Variants in STT3B observed in about 807,000 individuals in gnomAD.
The protein encoded by STT3B is STT3 oligosaccharyltransferase complex catalytic subunit B.
In STT3B, 29 loss-of-function variants were observed where a neutral mutation model predicts 96.8. The ratio of observed to expected loss-of-function variants is 0.30; its 90% CI spans 0.22 to 0.41. STT3B has a LOEUF of 0.41. Among genes scored for constraint, STT3B ranks in the 10% least tolerant of loss-of-function variants. The probability of loss-of-function intolerance (pLI) is 1.00; values close to 1 mark genes in which losing one functional copy is unlikely to be tolerated. For missense variants in STT3B, 640 were observed against 1,022.3 expected (o/e 0.63, Z 5.10); for synonymous variants, 367 against 360.0 (o/e 1.02, Z -0.22).
At chr3:31,634,288 A>G (rs1163024167) in intron 15 of STT3B, among the ~76,000 whole-genome samples, 3 of 152,226 alleles carry the variant, frequency 2.0e-5, no homozygotes, top group Non-Finnish European at 4.4e-5. Context: ...AGTTACTCCT[A>G]AGATATCCAA....
At chr3:31,634,771 C>T (rs1235421016) in intron 15 of STT3B, among the ~76,000 whole-genome samples, 1 of 152,056 alleles carries the variant, frequency 6.6e-6, no homozygotes, top group Non-Finnish European at 1.5e-5. Flanking sequence ...TTGGATATTC[C>T]TGGGGCACAT....
chr3:31,588,613 A>G (rs1698598736), intron 3 of STT3B, among the ~76,000 whole-genome samples: 1 of 151,650 alleles, frequency 6.6e-6, no homozygotes, highest in African/African-American at 2.4e-5. Flanking sequence ...TCCAATGTAG[A>G]TTTTTCCAGT....
intron 11 of STT3B, 136 bp downstream of exon 11, chr3:31,623,997 TG>T (rs1331853367): frequency 1.1e-5 from 8 of 730,676 alleles, no homozygotes; most frequent in Non-Finnish European, 1.7e-5. Flanking sequence ...ATTTTAATTT[TG>T]GTAGGTACAC....
intron 1 of STT3B, among the ~76,000 whole-genome samples, chr3:31,573,893 C>T (rs1234909018): frequency 6.6e-6 from 1 of 151,774 alleles, no homozygotes; most frequent in Non-Finnish European, 1.5e-5. Context: ...ATACAGAAAA[C>T]AGAGAAGATT....
chr3:31,572,035 T>TG (rs1698161299), intron 1 of STT3B, among the ~76,000 whole-genome samples: 1 of 46,300 alleles, frequency 2.2e-5, no homozygotes, highest in African/African-American at 3.8e-5. Context: ...TATATTAATA[T>TG]ATGATATATT....
intron 1 of STT3B, among the ~76,000 whole-genome samples, chr3:31,570,266 C>A (rs1405173477): frequency 1.3e-5 from 2 of 152,050 alleles, no homozygotes; most frequent in Non-Finnish European, 2.9e-5. Flanking sequence ...ATTAATTGAA[C>A]CTCATGAGTG....
chr3:31,607,415 A>C (rs1406875648), intron 5 of STT3B, among the ~76,000 whole-genome samples: 1 of 152,138 alleles, frequency 6.6e-6, no homozygotes, highest in Non-Finnish European at 1.5e-5. Flanking sequence ...GAAATGATGC[A>C]TGGGAGTGGT....
chr3:31,544,258 A>T (rs1373236731), intron 1 of STT3B, among the ~76,000 whole-genome samples: 2 of 152,208 alleles, frequency 1.3e-5, no homozygotes, highest in Non-Finnish European at 2.9e-5. Flanking sequence ...ATCTCATTTA[A>T]ACTTTCCCAT....
rs902048951 is a variant in STT3B at position 31,571,206 on chromosome 3, A to G, written c.315-5190A>G. Reference sequence around the variant, plus strand: ...CACTGTCCAGAGATAATCACACTATAGGTTTTATTAAGTGGATTTTAAGGG... The same window carrying G: ...CACTGTCCAGAGATAATCACACTATGGGTTTTATTAAGTGGATTTTAAGGG... On this transcript the variant is annotated intron_variant, in intron 1 of 15. Transcript: ENST00000295770. 2.6e-5 allele frequency among the ~76,000 whole-genome samples: 4 copies of G among 151,966 alleles called. 1 individual carries two copies. Among genetic ancestry groups the G allele is most frequent in the East Asian group, 1.9e-4 (1 of 5,158 alleles).
intron 1 of STT3B, among the ~76,000 whole-genome samples, chr3:31,561,787 A>G (rs1697884753): frequency 6.6e-6 from 1 of 151,902 alleles, no homozygotes; most frequent in South Asian, 2.1e-4. Context: ...CTTTTGTTGG[A>G]GAGAATTTTT....
chr3:31,554,585 G>T (rs189295851), intron 1 of STT3B, among the ~76,000 whole-genome samples: 1 of 152,172 alleles, frequency 6.6e-6, no homozygotes, highest in African/African-American at 2.4e-5. Flanking sequence ...CTTTAAGAAG[G>T]TAACTCAGAG....
At chr3:31,567,481 T>C (rs1698033429) in intron 1 of STT3B, among the ~76,000 whole-genome samples, 2 of 152,238 alleles carry the variant, frequency 1.3e-5, no homozygotes, top group Admixed American at 1.3e-4. Flanking sequence ...TGGGACATGT[T>C]TGTCGCTCAT....
chr3:31,615,206 A>G lies in STT3B; in HGVS notation c.976+3A>G. On this transcript the variant is annotated splice_donor_region_variant and intron_variant, in intron 6 of 15. Transcript: ENST00000295770. Reference sequence around the variant, plus strand: ...AAGTGAACACATGGCAGCTGCAGGTATGAAAAATATATATTTTCCTTCTTC... The same window carrying G: ...AAGTGAACACATGGCAGCTGCAGGTGTGAAAAATATATATTTTCCTTCTTC... 6.3e-7 allele frequency: 1 copy of G among 1,595,100 alleles called. No individual in the cohort carries two copies. The highest frequency in any genetic ancestry group is 8.6e-7 in the Non-Finnish European group (1 of 1,165,848).
At chr3:31,589,634 T>C (rs1659000302) in intron 3 of STT3B, among the ~76,000 whole-genome samples, 1 of 152,028 alleles carries the variant, frequency 6.6e-6, no homozygotes, top group African/African-American at 2.4e-5. Flanking sequence ...ACCCAATTAC[T>C]ATAACTTCAT....
At chr3:31,540,060 T>A (rs1697225836) in intron 1 of STT3B, among the ~76,000 whole-genome samples, 1 of 152,206 alleles carries the variant, frequency 6.6e-6, no homozygotes, top group Non-Finnish European at 1.5e-5. Flanking sequence ...CCATTTTCTT[T>A]GCACCTATGT....
chr3:31,617,180 T>A, intron 7 of STT3B, 105 bp downstream of exon 7: 1 of 797,748 alleles, frequency 1.3e-6, no homozygotes, highest in Non-Finnish European at 1.7e-6. Context: ...ACAAAGTGAT[T>A]TTTTTCTTTT....
intron 1 of STT3B, among the ~76,000 whole-genome samples, chr3:31,544,930 C>G (rs1697365426): frequency 6.6e-6 from 1 of 151,760 alleles, no homozygotes; most frequent in African/African-American, 2.4e-5. Context: ...GAGCAAGACT[C>G]TGTCTCAGGG....
rs186500108 is a variant in STT3B at position 31,579,185 on chromosome 3, G to A, written c.424-624G>A. Among the ~76,000 whole-genome samples, 54 of 151,974 alleles carry A rather than the reference G, an allele frequency of 3.6e-4. 1 individual carries two copies. The East Asian group carries it at 0.01, about 28-fold the overall frequency. On this transcript the variant is annotated intron_variant, in intron 2 of 15. Transcript: ENST00000295770. ...TCCCTTTTATCCCTAAGTACTTTAT[G>A]TGGTATAAAAAATTTAATTTTTCAG... is the stretch of plus-strand genomic sequence containing the variant.
intron 5 of STT3B, among the ~76,000 whole-genome samples, chr3:31,606,021 G>C (rs1404767106): frequency 6.6e-6 from 1 of 152,140 alleles, no homozygotes; most frequent in Admixed American, 6.5e-5. Flanking sequence ...CAAAGAGATG[G>C]GTGGCATTTT....
Sources: gnomAD v4.1 joint callset for allele counts (sites outside exome capture counted in the v4.1 genomes callset) on GRCh38, gnomAD v4.1.1 for gene constraint, MANE v1.5 for transcripts, NCBI Gene and HGNC (gene_info 2026-07-23, HGNC 2026-07-21) for gene names.